Variants in NUCKS1 observed in about 807,000 individuals in gnomAD.
The protein encoded by NUCKS1 is nuclear casein kinase and cyclin dependent kinase substrate 1.
In NUCKS1, 2 loss-of-function variants were observed where a neutral mutation model predicts 33.0. The observed-to-expected ratio is 0.06, with a 90% CI of 0.02 to 0.19. The LOEUF (loss-of-function observed/expected upper bound fraction) is 0.19, where lower values mean the gene tolerates loss of function less well. Among genes scored for constraint, NUCKS1 ranks in the 10% least tolerant of loss-of-function variants. The pLI is 1.00. For missense variants in NUCKS1, 201 were observed against 293.6 expected (o/e 0.68, Z 2.31); for synonymous variants, 106 against 102.8 (o/e 1.03, Z -0.19).
chr1:205,746,143 A>T (rs1309315242), intron 1 of NUCKS1, among the ~76,000 whole-genome samples: 1 of 116,722 alleles, frequency 8.6e-6, no homozygotes, highest in East Asian at 8.8e-4. Context: ...TAAAAATACA[A>T]AAGTTAGCTG....
At chr1:205,721,283 A>C (rs1170691352) in intron 4 of NUCKS1, among the ~76,000 whole-genome samples, 1 of 152,200 alleles carries the variant, frequency 6.6e-6, no homozygotes, top group East Asian at 1.9e-4. Flanking sequence ...ACATAAAAAA[A>C]AAAAAAATTC....
rs1247700486 is a variant in NUCKS1, at chr1:205,713,796, GC to G, written c.*4483del. 6.6e-6 allele frequency: 1 copy of G among 152,164 alleles called. No individual in the cohort carries two copies. The highest frequency in any genetic ancestry group is 1.5e-5 in the Non-Finnish European group (1 of 68,058). The allele number at this position is 152,164 out of a possible 1,614,324, so 9.4% of individuals were successfully genotyped here. The stretch of plus-strand genomic sequence containing the variant: ...GAAGAAAAGAGATGCCCCGGTCTCA[GC>G]CCATGGACTAGTTAATACAGTGAAG... On this transcript the variant is annotated 3_prime_UTR_variant, in exon 7 of 7. Coordinates refer to ENST00000367142, the MANE Select transcript of NUCKS1 (RefSeq NM_022731.5).
At chr1:205,725,592 G>A (rs3761919) in intron 3 of NUCKS1, among the ~76,000 whole-genome samples, 34,160 of 151,870 alleles carry the variant, frequency 0.22, 4,333 homozygotes, top group Admixed American at 0.32. Context: ...CTCTTTTATC[G>A]AGTTTATAGA....
rs1264934474 is a variant in NUCKS1, at chr1:205,716,352, T to C, written c.*1928A>G. The C allele has an allele frequency of 1.3e-5, 2 of 152,216 alleles. No individual in the cohort carries two copies. Among genetic ancestry groups the C allele is most frequent in the East Asian group, 3.8e-4 (2 of 5,200 alleles). The allele number at this position is 152,216 out of a possible 1,614,324, so 9.4% of individuals were successfully genotyped here. ...AAATAGAAGTGCATGGTGGAAACAC[T>C]GATAGGTCTTTTACTATATGAACAC... On this transcript the variant is annotated 3_prime_UTR_variant, in exon 7 of 7. Transcript: ENST00000367142.
At chr1:205,749,712 G>A (rs1009622012) in intron 1 of NUCKS1, among the ~76,000 whole-genome samples, 109 of 151,850 alleles carry the variant, frequency 7.2e-4, no homozygotes, top group South Asian at 1.7e-3. Flanking sequence ...GGGTGGGGGA[G>A]GCAGCTGAGC....
At position 205,713,593 on chromosome 1, in the gene NUCKS1, A is replaced by C. The variant is rs1182808379; in HGVS notation, c.*4687T>G. On this transcript the variant is annotated 3_prime_UTR_variant, in exon 7 of 7. Coordinates refer to ENST00000367142, the MANE Select transcript of NUCKS1 (RefSeq NM_022731.5). The stretch of plus-strand genomic sequence containing the variant: ...GTAATTCACGAACATGGTCAACAAA[A>C]TCATGTTCACTTCAACCCCATTTCA... 6.6e-6 allele frequency: 1 copy of C among 152,204 alleles called. No individual in the cohort carries two copies. Among genetic ancestry groups the C allele is most frequent in the Non-Finnish European group, 1.5e-5 (1 of 68,034 alleles). The allele number at this position is 152,204 out of a possible 1,614,324, so 9.4% of individuals were successfully genotyped here.
At chr1:205,734,103 T>G (rs1653979941) in intron 1 of NUCKS1, among the ~76,000 whole-genome samples, 1 of 152,000 alleles carries the variant, frequency 6.6e-6, no homozygotes, top group Non-Finnish European at 1.5e-5. Flanking sequence ...GGTCTCAAAC[T>G]CCTGGCCTCA....
At chr1:205,746,489 T>G (rs12091263) in intron 1 of NUCKS1, among the ~76,000 whole-genome samples, 1 of 62,826 alleles carries the variant, frequency 1.6e-5, no homozygotes. Context: ...ACACACACAC[T>G]AGAGAATAAG....
intron 3 of NUCKS1, 130 bp downstream of exon 3, chr1:205,727,570 T>C (rs1179073904): frequency 2.9e-6 from 2 of 683,348 alleles, no homozygotes; most frequent in Non-Finnish European, 5.3e-6. Flanking sequence ...ATATGAAATA[T>C]GCAAAATATT....
In NUCKS1 at chr1:205,718,161, G is replaced by C. The variant is rs568198338; in HGVS notation, c.*119C>G. 3.2e-5 allele frequency: 43 copies of C among 1,348,926 alleles called. No homozygotes were observed. The South Asian group carries it at 4.7e-4, about 15-fold the overall frequency. The allele number at this position is 1,348,926 out of a possible 1,614,324, so 83.6% of individuals were successfully genotyped here. A position where few individuals can be genotyped will look rare whatever the true frequency, so the allele number is the denominator to read the frequency against. The stretch of plus-strand genomic sequence containing the variant: ...ATGGAAAAAAGCACTGAAAGCCCAT[G>C]AGTCAAGCCATAGCCAAAACCATGT... On this transcript the variant is annotated 3_prime_UTR_variant, in exon 7 of 7. Transcript: ENST00000367142.
At chr1:205,722,081 T>TC (rs1339363781) in intron 4 of NUCKS1, among the ~76,000 whole-genome samples, 1 of 147,200 alleles carries the variant, frequency 6.8e-6, no homozygotes, top group East Asian at 2.0e-4. Context: ...GAAAAAAAAA[T>TC]TTTTTTTTTT....
chr1:205,745,825 G>A (rs1265059280), intron 1 of NUCKS1, among the ~76,000 whole-genome samples: 1 of 152,162 alleles, frequency 6.6e-6, no homozygotes, highest in Admixed American at 6.5e-5. Context: ...TTGTTACAGG[G>A]TTGTAATAAG....
At chr1:205,722,423 A>G (rs928454028) in intron 4 of NUCKS1, among the ~76,000 whole-genome samples, 2 of 152,090 alleles carry the variant, frequency 1.3e-5, no homozygotes, top group African/African-American at 2.4e-5. Context: ...CACCCGGCTA[A>G]TTTTTTTATT....
chr1:205,719,776 G>C, intron 5 of NUCKS1, 100 bp from the exon 6 acceptor site: 2 of 1,271,328 alleles, frequency 1.6e-6, no homozygotes, highest in African/African-American at 3.0e-5. Flanking sequence ...TGGGATTTGG[G>C]AGTCAAACAC....
At chr1:205,722,668 C>T (rs555241978) in intron 4 of NUCKS1, among the ~76,000 whole-genome samples, 49 of 152,308 alleles carry the variant, frequency 3.2e-4, no homozygotes, top group African/African-American at 1.1e-3. Flanking sequence ...GCTGGGATGG[C>T]GGGTGGGAGC....
intron 2 of NUCKS1, among the ~76,000 whole-genome samples, chr1:205,728,625 T>G (rs1653833848): frequency 6.6e-6 from 1 of 152,180 alleles, no homozygotes; most frequent in Non-Finnish European, 1.5e-5. Flanking sequence ...TCTTCATATC[T>G]TTCAGTATTT....
chr1:205,739,951 T>C (rs1273988203), intron 1 of NUCKS1, among the ~76,000 whole-genome samples: 1 of 151,470 alleles, frequency 6.6e-6, no homozygotes, highest in African/African-American at 2.4e-5. Flanking sequence ...TTGCCTAAAA[T>C]ACATTGTTTT....
chr1:205,749,890 C>T, intron 1 of NUCKS1, 67 bp downstream of exon 1: 2 of 1,510,888 alleles, frequency 1.3e-6, no homozygotes, highest in Middle Eastern at 1.7e-4. Context: ...CCTTCTGTCC[C>T]CCACTCTTTT....
chr1:205,743,011 CTT>C (rs1558056177), intron 1 of NUCKS1, among the ~76,000 whole-genome samples: 11 of 152,226 alleles, frequency 7.2e-5, no homozygotes, highest in Middle Eastern at 3.4e-3. Flanking sequence ...AAATTTAACA[CTT>C]TTCAGCATGC....
Sources: allele counts gnomAD v4.1 joint callset (sites outside exome capture counted in the v4.1 genomes callset), GRCh38; gene constraint gnomAD v4.1.1; transcripts MANE v1.5; gene names NCBI Gene and HGNC (gene_info 2026-07-23, HGNC 2026-07-21).